SCFD1: variants seen among roughly 807,000 people sequenced by gnomAD.
SCFD1 encodes the protein sec1 family domain containing 1.
Under a neutral mutation model 103.2 loss-of-function variants are expected in SCFD1, and 37 were observed. The ratio of observed to expected loss-of-function variants is 0.36; its 90% confidence interval spans 0.28 to 0.47. The LOEUF (loss-of-function observed/expected upper bound fraction) is 0.47, where lower values mean the gene tolerates loss of function less well. Ranked by LOEUF, SCFD1 falls within the 20% of genes least tolerant of loss-of-function variation. SCFD1 has a pLI of 1.00. For synonymous variants in SCFD1, 264 were observed against 245.0 expected (o/e 1.08, Z -0.73); for missense variants, 639 against 761.2 (o/e 0.84, Z 1.89).
chr14:30,721,602 G>A (rs911234124), intron 21 of SCFD1: 5 of 355,702 alleles, frequency 1.4e-5, no homozygotes, highest in Non-Finnish European at 2.5e-5. Context: ...GCTCCTCCTC[G>A]TGGGAGTTGC....
chr14:30,684,162 T>C (rs928734901), intron 14 of SCFD1, among the ~76,000 whole-genome samples: 2 of 152,212 alleles, frequency 1.3e-5, no homozygotes, highest in Non-Finnish European at 2.9e-5. Flanking sequence ...AAGCAAACGA[T>C]GTGTACTTAC....
At position 30,691,617 on chromosome 14, in the gene SCFD1, G is replaced by A. The variant is rs76968110; in HGVS notation, c.1243-3156G>A. Among the ~76,000 whole-genome samples the A allele has an allele frequency of 9.5e-3, 1,444 of 152,242 alleles. 13 individuals carry two copies. Among genetic ancestry groups the A allele is most frequent in the Non-Finnish European group, 0.016 (1,106 of 68,004 alleles). On this transcript the variant is annotated intron_variant, in intron 14 of 24. Transcript: ENST00000458591. Reference sequence around the variant, plus strand: ...ACAGCTTTGTTGAGATGTAACTCACGTACTTTGCAATTCATCAATTTAAAA... The same window carrying A: ...ACAGCTTTGTTGAGATGTAACTCACATACTTTGCAATTCATCAATTTAAAA...
intron 23 of SCFD1, among the ~76,000 whole-genome samples, chr14:30,733,894 A>G (rs1157384493): frequency 6.6e-6 from 1 of 151,796 alleles, no homozygotes; most frequent in African/African-American, 2.4e-5. Flanking sequence ...GGACCCCTCT[A>G]ATGTTTCCCT....
intron 14 of SCFD1, among the ~76,000 whole-genome samples, chr14:30,678,796 T>C (rs1889242618): frequency 6.6e-6 from 1 of 152,218 alleles, no homozygotes; most frequent in African/African-American, 2.4e-5. Context: ...CGGATATAGC[T>C]GGTAAAAAAT....
chr14:30,643,806 T>C (rs1433551154), intron 7 of SCFD1: 3 of 329,474 alleles, frequency 9.1e-6, no homozygotes, highest in Non-Finnish European at 1.2e-5. Context: ...GAAAACATTA[T>C]GTATGTAATA....
intron 19 of SCFD1, among the ~76,000 whole-genome samples, chr14:30,711,682 C>G (rs78478285): frequency 0.035 from 5,273 of 152,070 alleles, 121 homozygotes; most frequent in Middle Eastern, 0.061. Context: ...GAGAATAAAT[C>G]ACTGTTAATT....
chr14:30,655,827 A>G (rs967416559), intron 10 of SCFD1, among the ~76,000 whole-genome samples: 2 of 152,138 alleles, frequency 1.3e-5, no homozygotes, highest in African/African-American at 4.8e-5. Context: ...AGTTTTGGGT[A>G]TGTTAAATGT....
At chr14:30,693,549 T>A (rs779897702) in intron 14 of SCFD1, among the ~76,000 whole-genome samples, 16 of 152,340 alleles carry the variant, frequency 1.1e-4, no homozygotes, top group Non-Finnish European at 1.8e-4. Flanking sequence ...TGTTTCTACC[T>A]TGTGCCTTGG....
chr14:30,701,608 T>C (rs1385459605), intron 16 of SCFD1, among the ~76,000 whole-genome samples: 1 of 152,074 alleles, frequency 6.6e-6, no homozygotes, highest in African/African-American at 2.4e-5. Context: ...TCTCAGGGTA[T>C]TCTAATAGCC....
intron 18 of SCFD1, 110 bp downstream of exon 18, chr14:30,705,995 G>A: frequency 1.3e-6 from 1 of 795,656 alleles, no homozygotes; most frequent in Non-Finnish European, 2.0e-6. Flanking sequence ...ATGTCACCAT[G>A]CCTTTGGTGA....
At chr14:30,662,997 G>A (rs569265356) in intron 10 of SCFD1, among the ~76,000 whole-genome samples, 7 of 152,216 alleles carry the variant, frequency 4.6e-5, no homozygotes, top group East Asian at 1.9e-4. Context: ...GTGTATAAAC[G>A]TTCAGTTGCT....
At chr14:30,668,095 A>G (rs575533482) in intron 10 of SCFD1, among the ~76,000 whole-genome samples, 6 of 152,338 alleles carry the variant, frequency 3.9e-5, no homozygotes, top group East Asian at 3.9e-4. Flanking sequence ...TGCCAAGTCA[A>G]TCCTAAGCAA....
At chr14:30,734,975 C>A in intron 24 of SCFD1, 117 bp downstream of exon 24, 1 of 702,634 alleles carries the variant, frequency 1.4e-6, no homozygotes, top group South Asian at 1.8e-5. Context: ...CCAAAGCCAT[C>A]CAGCTATACC....
intron 10 of SCFD1, among the ~76,000 whole-genome samples, chr14:30,667,968 C>T (rs559000899): frequency 1.6e-4 from 25 of 152,282 alleles, no homozygotes; most frequent in African/African-American, 4.6e-4. Context: ...GTGAAAACGG[C>T]CATACTGCCC....
Position 30,690,800 on chromosome 14 carries a change from C to T in SCFD1, c.1243-3973C>T, listed in dbSNP as rs549819879. Reference sequence around the variant, plus strand: ...GTCGCTCACGCTGGGAGCTGTAGACCGGAGCTGTTCCTATTCGGCCATCTT... The same window carrying T: ...GTCGCTCACGCTGGGAGCTGTAGACTGGAGCTGTTCCTATTCGGCCATCTT... On this transcript the variant is annotated intron_variant, in intron 14 of 24. Transcript: ENST00000458591. Among the ~76,000 whole-genome samples, 149 of 152,224 alleles carry T rather than the reference C, an allele frequency of 9.8e-4. 1 individual carries two copies. Among genetic ancestry groups the T allele is most frequent in the African/African-American group, 3.0e-3 (126 of 41,520 alleles).
chr14:30,735,659 A>AAAAG lies in SCFD1; in HGVS notation c.*53_*56dup. The stretch of plus-strand genomic sequence containing the variant: ...TCTACTTGGAATGTGGATAAATGTA[A>AAAAG]AAAGAAGAAAAGTTAGAAGAGCAAT... On this transcript the variant is annotated 3_prime_UTR_variant, in exon 25 of 25. Coordinates refer to ENST00000458591, the MANE Select transcript of SCFD1 (RefSeq NM_016106.4). 2 of 1,364,614 alleles carry AAAAG rather than the reference A, an allele frequency of 1.5e-6. No individual in the cohort carries two copies. Among genetic ancestry groups the AAAAG allele is most frequent in the Non-Finnish European group, 2.1e-6 (2 of 973,880 alleles). 84.5% of individuals were successfully genotyped at this position (1,364,614 alleles called of 1,614,324 possible).
chr14:30,734,345 T>C (rs1893688745), intron 23 of SCFD1: 1 of 163,872 alleles, frequency 6.1e-6, no homozygotes. Context: ...TATTAACTTA[T>C]AAATACTGTG....
chr14:30,679,052 TG>T (rs1301334201), intron 14 of SCFD1, among the ~76,000 whole-genome samples: 1 of 152,214 alleles, frequency 6.6e-6, no homozygotes, highest in African/African-American at 2.4e-5. Context: ...TATATTTTTA[TG>T]GGGAAGATAA....
chr14:30,627,029 C>T (rs749410293), intron 1 of SCFD1, among the ~76,000 whole-genome samples: 9 of 152,112 alleles, frequency 5.9e-5, no homozygotes, highest in South Asian at 2.1e-4. Context: ...AAGCCTGATG[C>T]AAATGTTTTT....
Sources: gnomAD v4.1 joint callset for allele counts (sites outside exome capture counted in the v4.1 genomes callset) on GRCh38, gnomAD v4.1.1 for gene constraint, MANE v1.5 for transcripts, NCBI Gene and HGNC (gene_info 2026-07-23, HGNC 2026-07-21) for gene names.